The following LINGO2 variants were observed in gnomAD, a reference collection of about 807,000 sequenced individuals.
LINGO2 encodes leucine-rich repeat and immunoglobulin-like domain-containing nogo receptor-interacting protein 2.
LINGO2 carries 14 observed loss-of-function variants against 30.6 expected under a neutral mutation model. That is an observed-to-expected ratio of 0.46 (90% CI 0.30 to 0.72). The LOEUF is 0.72. Among genes scored for constraint, LINGO2 ranks in the 30% least tolerant of loss-of-function variants. The probability of loss-of-function intolerance (pLI) is 0.07; values close to 1 mark genes in which losing one functional copy is unlikely to be tolerated. For synonymous variants in LINGO2, 317 were observed against 288.5 expected, an observed-to-expected ratio of 1.10 and a Z score of -1.00; for missense variants, 729 against 751.7, an observed-to-expected ratio of 0.97 and a Z score of 0.35.
At chr9:28,949,091 G>C in the LINGO2 span, among the ~76,000 whole-genome samples, 1 of 152,040 alleles carries the variant, frequency 6.6e-6, no homozygotes, top group East Asian at 1.9e-4. Flanking sequence ...TTGTCTCGTA[G>C]CTGCAAACCT....
At chr9:28,347,966 T>A (rs906793322) in intron 3 of LINGO2, among the ~76,000 whole-genome samples, 5 of 152,160 alleles carry the variant, frequency 3.3e-5, no homozygotes, top group African/African-American at 9.7e-5. Context: ...TTAAAAAGAT[T>A]TGGATGTAAA....
the LINGO2 span, among the ~76,000 whole-genome samples, chr9:28,996,967 C>A: frequency 6.6e-6 from 1 of 152,138 alleles, no homozygotes; most frequent in African/African-American, 2.4e-5. Context: ...GCTTTCTCTG[C>A]CAACATGTAT....
chr9:28,766,815 A>AAAGAGAGAGAGAGG, the LINGO2 span, among the ~76,000 whole-genome samples: 1 of 22,280 alleles, frequency 4.5e-5, no homozygotes, highest in Non-Finnish European at 1.0e-4. Flanking sequence ...GGAAGGAGAG[A>AAAGAGAGAGAGAGG]GAGAGAGAGA....
chr9:28,722,105 C>A, the LINGO2 span, among the ~76,000 whole-genome samples: 1 of 152,008 alleles, frequency 6.6e-6, no homozygotes, highest in South Asian at 2.1e-4. Flanking sequence ...ATACAAGATA[C>A]ATTTTCTGCC....
the LINGO2 span, among the ~76,000 whole-genome samples, chr9:28,792,318 T>G: frequency 2.0e-5 from 3 of 152,156 alleles, no homozygotes; most frequent in South Asian, 6.2e-4. Flanking sequence ...TTTTTATTTG[T>G]ATTTTAACCA....
intron 4 of LINGO2, among the ~76,000 whole-genome samples, chr9:28,170,995 T>A (rs1416566402): frequency 6.6e-6 from 1 of 152,348 alleles, no homozygotes; most frequent in African/African-American, 2.4e-5. Context: ...CTATCACAGA[T>A]GGTTATGGGC....
upstream of LINGO2, among the ~76,000 whole-genome samples, chr9:28,671,672 C>T (rs969903577): frequency 5.9e-5 from 9 of 152,030 alleles, no homozygotes; most frequent in Admixed American, 2.6e-4. Flanking sequence ...CAAAAAATTA[C>T]GTATCACGTA....
chr9:28,577,654 G>A, intron 1 of LINGO2, among the ~76,000 whole-genome samples: 1 of 152,146 alleles, frequency 6.6e-6, no homozygotes, highest in Non-Finnish European at 1.5e-5. Flanking sequence ...CAGGCAAGAT[G>A]AAACTTTTGG....
intron 1 of LINGO2, among the ~76,000 whole-genome samples, chr9:28,643,023 T>C (rs1827671549): frequency 1.3e-5 from 2 of 151,988 alleles, no homozygotes; most frequent in South Asian, 4.1e-4. Flanking sequence ...AAAACACTGA[T>C]GAAAGAAATT....
intron 3 of LINGO2, among the ~76,000 whole-genome samples, chr9:28,336,518 C>A (rs1479565012): frequency 6.6e-6 from 1 of 152,044 alleles, no homozygotes; most frequent in Non-Finnish European, 1.5e-5. Flanking sequence ...TCTATACATC[C>A]TTTCCAGAAA....
chr9:28,222,144 C>T (rs1820987091), intron 4 of LINGO2, among the ~76,000 whole-genome samples: 1 of 152,078 alleles, frequency 6.6e-6, no homozygotes, highest in African/African-American at 2.4e-5. Context: ...ACATTTTTCT[C>T]ATTTGATTAA....
chr9:29,171,398 A>G, the LINGO2 span, among the ~76,000 whole-genome samples: 1 of 152,058 alleles, frequency 6.6e-6, no homozygotes, highest in African/African-American at 2.4e-5. Context: ...TCCATACCTT[A>G]AACTTGTATA....
At chr9:28,330,504 A>G in intron 3 of LINGO2, among the ~76,000 whole-genome samples, 1 of 152,172 alleles carries the variant, frequency 6.6e-6, no homozygotes, top group East Asian at 1.9e-4. Flanking sequence ...TTAGATGGTC[A>G]TATTTTTAAT....
At chr9:28,708,151 C>T in the LINGO2 span, among the ~76,000 whole-genome samples, 2 of 151,966 alleles carry the variant, frequency 1.3e-5, no homozygotes, top group African/African-American at 4.8e-5. Flanking sequence ...TAAGAATAAC[C>T]AAATTCCATA....
intron 2 of LINGO2, among the ~76,000 whole-genome samples, chr9:28,386,398 T>C (rs984969537): frequency 6.6e-6 from 1 of 152,160 alleles, no homozygotes; most frequent in Non-Finnish European, 1.5e-5. Context: ...CATATTTCCC[T>C]AAACTGTACA....
At chr9:28,043,836 C>G (rs376258131) in intron 4 of LINGO2, among the ~76,000 whole-genome samples, 2 of 152,132 alleles carry the variant, frequency 1.3e-5, no homozygotes, top group East Asian at 3.9e-4. Context: ...CTGATAGCTA[C>G]AAAACAAACA....
At chr9:28,053,638 G>A (rs1824779345) in intron 4 of LINGO2, among the ~76,000 whole-genome samples, 1 of 152,012 alleles carries the variant, frequency 6.6e-6, no homozygotes, top group African/African-American at 2.4e-5. Context: ...CTTAGCGCTG[G>A]TTGCAAATCA....
chr9:28,249,824 T>G (rs4878971), intron 4 of LINGO2, among the ~76,000 whole-genome samples: 9,852 of 152,276 alleles, frequency 0.065, 402 homozygotes, highest in South Asian at 0.16. Flanking sequence ...TTTGTATTTT[T>G]TAAAACTCCA....
At chr9:29,181,307 G>C in the LINGO2 span, among the ~76,000 whole-genome samples, 1 of 152,144 alleles carries the variant, frequency 6.6e-6, no homozygotes, top group Admixed American at 6.5e-5. Context: ...TTGTAGAAAA[G>C]AGTAGACATT....
Sources: gnomAD v4.1 joint callset for allele counts (sites outside exome capture counted in the v4.1 genomes callset) on GRCh38, gnomAD v4.1.1 for gene constraint, MANE v1.5 for transcripts, NCBI Gene and HGNC (gene_info 2026-07-23, HGNC 2026-07-21) for gene names.